Variants in KIAA1217 observed in about 807,000 individuals in gnomAD.
KIAA1217 encodes the protein KIAA1217, also known as sickle tail protein homolog.
KIAA1217 carries 88 observed loss-of-function variants against 163.9 expected under a neutral mutation model. The observed-to-expected ratio is 0.54, with a 90% CI of 0.45 to 0.64. The LOEUF is 0.64. Among genes scored for constraint, KIAA1217 ranks in the 30% least tolerant of loss-of-function variants. KIAA1217 has a pLI of 0.00. For synonymous variants in KIAA1217, 903 were observed against 923.1 expected (o/e 0.98, Z 0.39); for missense variants, 2,372 against 2,475.0 (o/e 0.96, Z 0.88).
intron 1 of KIAA1217, among the ~76,000 whole-genome samples, chr10:23,886,340 A>G (rs1034789880): frequency 6.6e-6 from 1 of 151,948 alleles, no homozygotes; most frequent in Admixed American, 6.6e-5. Flanking sequence ...TGTTCATTCA[A>G]AAGGATTGTC....
At chr10:24,343,072 A>C (rs1006490350) in intron 2 of KIAA1217, among the ~76,000 whole-genome samples, 43 of 152,306 alleles carry the variant, frequency 2.8e-4, no homozygotes, top group African/African-American at 1.0e-3. Flanking sequence ...CTCTAACTGC[A>C]ACTCCTGCAT....
At chr10:24,028,784 C>A (rs1429505877) in intron 2 of KIAA1217, among the ~76,000 whole-genome samples, 1 of 151,848 alleles carries the variant, frequency 6.6e-6, no homozygotes, top group Non-Finnish European at 1.5e-5. Context: ...CTGAGGAGTA[C>A]CAAAAAAATC....
At chr10:24,446,581 G>A (rs1209110234) in intron 5 of KIAA1217, among the ~76,000 whole-genome samples, 1 of 152,094 alleles carries the variant, frequency 6.6e-6, no homozygotes, top group East Asian at 1.9e-4. Context: ...AGAAATGGAA[G>A]TTTCAGAAAA....
intron 3 of KIAA1217, among the ~76,000 whole-genome samples, chr10:24,422,095 T>C (rs558305531): frequency 6.6e-6 from 1 of 152,204 alleles, no homozygotes; most frequent in South Asian, 2.1e-4. Context: ...AAGAGAGAGC[T>C]TGTGTAGGGG....
At position 24,255,919 on chromosome 10, in the gene KIAA1217, T is replaced by C. The variant is rs937840257; in HGVS notation, c.354+36010T>C. Among the ~76,000 whole-genome samples the C allele has an allele frequency of 2.0e-5, 3 of 152,094 alleles. No homozygotes were observed. In the South Asian group the frequency reaches 6.2e-4, roughly 32 times the overall value. On this transcript the variant is annotated intron_variant, in intron 2 of 20. Transcript: ENST00000376454. ...TTTCTTTGATTCTACAGGATGTTTC[T>C]AAGTATGGTGTAATCAGTTCATCTT...
chr10:24,290,803 T>C (rs1316718691), intron 2 of KIAA1217, among the ~76,000 whole-genome samples: 3 of 152,040 alleles, frequency 2.0e-5, no homozygotes, highest in Middle Eastern at 3.2e-3. Context: ...GGTTTCACCA[T>C]GTTGGCTAGG....
intron 6 of KIAA1217, among the ~76,000 whole-genome samples, chr10:24,492,318 G>A (rs1237940896): frequency 6.6e-6 from 1 of 152,152 alleles, no homozygotes; most frequent in Non-Finnish European, 1.5e-5. Flanking sequence ...GTTTCTCTTT[G>A]ATATGTGGAC....
At chr10:24,377,303 T>G (rs1008293516) in intron 2 of KIAA1217, among the ~76,000 whole-genome samples, 1 of 152,202 alleles carries the variant, frequency 6.6e-6, no homozygotes, top group Non-Finnish European at 1.5e-5. Context: ...TGGATCTCCA[T>G]GGAGCAAGGA....
At chr10:23,756,524 T>C (rs1833931643) in intron 1 of KIAA1217, among the ~76,000 whole-genome samples, 1 of 152,298 alleles carries the variant, frequency 6.6e-6, no homozygotes, top group South Asian at 2.1e-4. Flanking sequence ...ACAGGTGCAA[T>C]GTTTGACTAT....
At chr10:24,116,318 C>T (rs1459349763) in intron 2 of KIAA1217, among the ~76,000 whole-genome samples, 1 of 152,068 alleles carries the variant, frequency 6.6e-6, no homozygotes. Context: ...TCTGGTGACC[C>T]TCTATCATAC....
intron 2 of KIAA1217, among the ~76,000 whole-genome samples, chr10:24,164,987 G>A (rs549214088): frequency 1.3e-5 from 2 of 152,318 alleles, no homozygotes; most frequent in South Asian, 4.1e-4. Flanking sequence ...GGCAAAAGTG[G>A]AAGACTGGTA....
Position 24,380,922 on chromosome 10 carries a change from G to A in KIAA1217, c.408G>A (p.Pro136=), listed in dbSNP as rs369136857. ...HSPQPPSLGD[P]VEHLSETSAD... is the part of the protein sequence containing the mutation. The stretch of plus-strand genomic sequence containing the variant: ...CTCAACCACCCAGTCTGGGTGACCC[G>A]GTCGAGCATTTATCAGAGACGTCCG... Residue 136 remains proline, a synonymous_variant, in exon 3 of 21, where the codon CCG becomes CCA. Transcript: ENST00000376454. The A allele has an allele frequency of 2.6e-5, 42 of 1,604,982 alleles. No homozygotes were observed. The highest frequency in any genetic ancestry group is 3.3e-4 in the Middle Eastern group (2 of 6,048).
chr10:24,223,603 C>T (rs1449845510), intron 2 of KIAA1217, among the ~76,000 whole-genome samples: 1 of 152,014 alleles, frequency 6.6e-6, no homozygotes, highest in African/African-American at 2.4e-5. Flanking sequence ...CTGGCTTCCT[C>T]TCAGAGAAGT....
chr10:24,055,399 C>T (rs1303137130), intron 2 of KIAA1217, among the ~76,000 whole-genome samples: 1 of 152,080 alleles, frequency 6.6e-6, no homozygotes, highest in African/African-American at 2.4e-5. Context: ...TAAAATGTTT[C>T]CTACCATGTT....
At chr10:24,131,745 T>G (rs2063659559) in intron 2 of KIAA1217, among the ~76,000 whole-genome samples, 1 of 152,158 alleles carries the variant, frequency 6.6e-6, no homozygotes, top group African/African-American at 2.4e-5. Flanking sequence ...TGCATTTTAG[T>G]GGGGGCATGG....
At chr10:24,163,096 C>T (rs2065191878) in intron 2 of KIAA1217, among the ~76,000 whole-genome samples, 1 of 152,196 alleles carries the variant, frequency 6.6e-6, no homozygotes, top group Non-Finnish European at 1.5e-5. Flanking sequence ...AAGCAGGCAT[C>T]ACTGGGGACC....
chr10:24,178,367 G>T (rs1316052856), intron 2 of KIAA1217, among the ~76,000 whole-genome samples: 1 of 152,224 alleles, frequency 6.6e-6, no homozygotes, highest in African/African-American at 2.4e-5. Context: ...CCCATTTCAT[G>T]GATGAAGAAT....
At chr10:24,397,134 C>T (rs1263867646) in intron 3 of KIAA1217, among the ~76,000 whole-genome samples, 9 of 113,002 alleles carry the variant, frequency 8.0e-5, no homozygotes, top group South Asian at 5.9e-4. Flanking sequence ...TTTTTTGAGA[C>T]GGAGTCTCAC....
chr10:24,361,033 T>TAA (rs2049917207), intron 2 of KIAA1217, among the ~76,000 whole-genome samples: 1 of 152,070 alleles, frequency 6.6e-6, no homozygotes, highest in South Asian at 2.1e-4. Flanking sequence ...AATAATAGAC[T>TAA]AAGAGTAGGA....
Sources: allele counts gnomAD v4.1 joint callset (sites outside exome capture counted in the v4.1 genomes callset), GRCh38; gene constraint gnomAD v4.1.1; transcripts MANE v1.5; gene names NCBI Gene and HGNC (gene_info 2026-07-23, HGNC 2026-07-21).